KIF16B: variants seen among roughly 807,000 people sequenced by gnomAD.
KIF16B encodes kinesin family member 16B, also known as kinesin-like protein KIF16B.
KIF16B carries 98 observed loss-of-function variants against 156.3 expected under a neutral mutation model. The observed-to-expected ratio is 0.63, with a 90% CI of 0.53 to 0.74. The LOEUF (loss-of-function observed/expected upper bound fraction) is 0.74. KIF16B is among the 30% of genes least tolerant of loss of function. KIF16B has a pLI of 0.00. For missense variants in KIF16B, 1,421 were observed against 1,606.5 expected (o/e 0.88, Z 1.97); for synonymous variants, 564 against 583.7 (o/e 0.97, Z 0.49).
intron 15 of KIF16B, among the ~76,000 whole-genome samples, chr20:16,406,859 TA>T (rs2065799484): frequency 6.6e-6 from 1 of 152,102 alleles, no homozygotes; most frequent in African/African-American, 2.4e-5. Flanking sequence ...TTGATACTGG[TA>T]AAAGTAGAAA....
At chr20:16,538,556 C>A (rs187765056) in intron 1 of KIF16B, among the ~76,000 whole-genome samples, 2 of 151,956 alleles carry the variant, frequency 1.3e-5, no homozygotes, top group African/African-American at 2.4e-5. Flanking sequence ...TACAAATGAA[C>A]CAGCTGGAGT....
chr20:16,431,589 C>A (rs535592873), intron 12 of KIF16B, among the ~76,000 whole-genome samples: 1 of 152,270 alleles, frequency 6.6e-6, no homozygotes, highest in South Asian at 2.1e-4. Context: ...GTTGTCACTT[C>A]AGACCAGGTA....
At chr20:16,534,450 T>C (rs1399341493) in intron 1 of KIF16B, among the ~76,000 whole-genome samples, 1 of 152,188 alleles carries the variant, frequency 6.6e-6, no homozygotes, top group African/African-American at 2.4e-5. Context: ...CTTACAAAAA[T>C]GTTCTCCTAT....
At chr20:16,347,777 G>C (rs1041377609) in intron 23 of KIF16B, among the ~76,000 whole-genome samples, 1 of 152,222 alleles carries the variant, frequency 6.6e-6, no homozygotes, top group South Asian at 2.1e-4. Flanking sequence ...CATTTGTCTC[G>C]GCCGTGCTAA....
chr20:16,272,135 C>T lies in KIF16B; in HGVS notation c.*1118G>A, dbSNP rs922341430. ...CCATAACTTCATTTAATATTGATAG[C>T]AGCTCAATTTAAATTTTGAAAAAGC... On this transcript the variant is annotated 3_prime_UTR_variant, in exon 26 of 26. Coordinates refer to ENST00000354981, the MANE Select transcript of KIF16B (RefSeq NM_024704.5). The T allele has an allele frequency of 2.0e-5, 3 of 152,700 alleles. No individual in the cohort carries two copies. Among genetic ancestry groups the T allele is most frequent in the African/African-American group, 7.2e-5 (3 of 41,550 alleles). The allele number at this position is 152,700 out of a possible 1,614,324, so 9.5% of individuals were successfully genotyped here.
chr20:16,429,866 T>G lies in KIF16B; in HGVS notation c.1419A>C (p.Leu473Phe). ...LLSTGIILYH[L>F]KEGQTYVGRD... The stretch of plus-strand genomic sequence containing the variant: ...GTTCCACTTAATCAGTTTCTACCTT[T>G]AAATGATATAAGATGATTCCAGTAC... Residue 473 changes from leucine to phenylalanine, a missense_variant, in exon 13 of 26, where the codon TTA becomes TTC. Coordinates refer to ENST00000354981, the MANE Select transcript of KIF16B (RefSeq NM_024704.5). The G allele has an allele frequency of 6.2e-7, 1 of 1,607,088 alleles. No homozygotes were observed. Among genetic ancestry groups the G allele is most frequent in the Non-Finnish European group, 8.5e-7 (1 of 1,177,910 alleles).
At chr20:16,357,966 G>A (rs1253914965) in intron 22 of KIF16B, among the ~76,000 whole-genome samples, 1 of 152,218 alleles carries the variant, frequency 6.6e-6, no homozygotes, top group East Asian at 1.9e-4. Flanking sequence ...AAGGCAGGTT[G>A]ATCAAGAGGT....
intron 19 of KIF16B, among the ~76,000 whole-genome samples, chr20:16,375,685 CAAA>C (rs34135271): frequency 2.7e-5 from 3 of 112,930 alleles, no homozygotes; most frequent in Non-Finnish European, 3.8e-5. Flanking sequence ...CATCAATGGC[CAAA>C]AAAAAAAAAA....
At chr20:16,405,146 A>T (rs1268050960) in intron 16 of KIF16B, among the ~76,000 whole-genome samples, 2 of 152,134 alleles carry the variant, frequency 1.3e-5, no homozygotes, top group African/African-American at 2.4e-5. Flanking sequence ...GAAATTCATC[A>T]GGAATTCCAC....
At chr20:16,389,147 C>T (rs952130460) in intron 17 of KIF16B, among the ~76,000 whole-genome samples, 72 of 152,112 alleles carry the variant, frequency 4.7e-4, no homozygotes, top group Admixed American at 1.3e-4. Flanking sequence ...TTGGTCAATG[C>T]GTAGGCCTGG....
Position 16,573,385 on chromosome 20 carries a change from G to C in KIF16B, c.-110C>G, listed in dbSNP as rs1365891067. ...TCCCGCCCACTTCCCTCTCGCCCCC[G>C]CCCCTCTGCTCCCGGCCGGACCTGG... On this transcript the variant is annotated 5_prime_UTR_variant, in exon 1 of 26. Transcript: ENST00000354981. The C allele has an allele frequency of 4.1e-6, 5 of 1,208,458 alleles. No individual in the cohort carries two copies. In the East Asian group the frequency reaches 1.0e-4, roughly 25 times the overall value. 74.9% of individuals were successfully genotyped at this position (1,208,458 alleles called of 1,614,324 possible). A position where few individuals can be genotyped will look rare whatever the true frequency, so the allele number is the denominator to read the frequency against.
At chr20:16,275,054 ACT>A (rs2063040279) in intron 25 of KIF16B, among the ~76,000 whole-genome samples, 1 of 139,670 alleles carries the variant, frequency 7.2e-6, no homozygotes, top group Non-Finnish European at 1.6e-5. Flanking sequence ...GATAAATTGT[ACT>A]TTTTTTTTTT....
intron 12 of KIF16B, among the ~76,000 whole-genome samples, chr20:16,433,156 C>T (rs189795035): frequency 9.9e-4 from 151 of 152,246 alleles, no homozygotes; most frequent in African/African-American, 3.5e-3. Context: ...AATTTAATCA[C>T]ACAGCTCTAT....
At chr20:16,544,075 A>C (rs2070307478) in intron 1 of KIF16B, among the ~76,000 whole-genome samples, 1 of 152,198 alleles carries the variant, frequency 6.6e-6, no homozygotes, top group African/African-American at 2.4e-5. Flanking sequence ...ATTGCTCTCC[A>C]AACAGGGTGG....
At position 16,462,343 on chromosome 20, in the gene KIF16B, C is replaced by T. The variant is rs1236139317; in HGVS notation, c.1302+31948G>A. Among the ~76,000 whole-genome samples the T allele has an allele frequency of 5.9e-5, 9 of 152,212 alleles. No homozygotes were observed. The South Asian group carries it at 1.7e-3, about 28-fold the overall frequency. On this transcript the variant is annotated intron_variant, in intron 12 of 25. Transcript: ENST00000354981. ...ATCCTCACCCGGTTCTCTCACAACT[C>T]CTTTTTCACCATTCTTCTTTCATTT...
intron 22 of KIF16B, among the ~76,000 whole-genome samples, chr20:16,357,684 G>T (rs1412176131): frequency 6.6e-6 from 1 of 152,158 alleles, no homozygotes; most frequent in Non-Finnish European, 1.5e-5. Context: ...TTAGCTGTGT[G>T]CATGAAAGCT....
intron 8 of KIF16B, 60 bp downstream of exon 8, chr20:16,505,962 T>C: frequency 1.2e-6 from 2 of 1,608,152 alleles, no homozygotes; most frequent in Non-Finnish European, 1.7e-6. Context: ...GCAACCCAAA[T>C]ATTACACATG....
chr20:16,352,623 T>TGG (rs2064359981), intron 23 of KIF16B, among the ~76,000 whole-genome samples: 2 of 152,066 alleles, frequency 1.3e-5, no homozygotes, highest in Admixed American at 1.3e-4. Flanking sequence ...CAGACCAAAT[T>TGG]GGAGCTCCCA....
chr20:16,556,269 T>C (rs2070844080), intron 1 of KIF16B, among the ~76,000 whole-genome samples: 1 of 152,134 alleles, frequency 6.6e-6, no homozygotes, highest in Admixed American at 6.5e-5. Context: ...CACAACCAGG[T>C]GGTATCACAC....
Sources: allele counts gnomAD v4.1 joint callset (sites outside exome capture counted in the v4.1 genomes callset), GRCh38; gene constraint gnomAD v4.1.1; transcripts MANE v1.5; gene names NCBI Gene and HGNC (gene_info 2026-07-23, HGNC 2026-07-21).